The following DNAH9 variants were observed in gnomAD, a reference collection of about 807,000 sequenced individuals.
DNAH9 encodes the protein DNAH9 variant protein.
Under a neutral mutation model 471.6 loss-of-function variants are expected in DNAH9, and 345 were observed. The observed-to-expected ratio is 0.73, with a 90% CI of 0.67 to 0.80. The LOEUF is 0.80. Among genes scored for constraint, DNAH9 ranks in the 30% least tolerant of loss-of-function variants. The pLI is 0.00. For missense variants in DNAH9, 5,407 were observed against 5,609.2 expected, an observed-to-expected ratio of 0.96 and a Z score of 1.15; for synonymous variants, 2,093 against 2,123.6, an observed-to-expected ratio of 0.99 and a Z score of 0.40.
At chr17:11,904,181 GA>G (rs1567889739) in intron 60 of DNAH9, among the ~76,000 whole-genome samples, 2 of 152,152 alleles carry the variant, frequency 1.3e-5, no homozygotes, top group Non-Finnish European at 2.9e-5. Context: ...AGGTCACTAA[GA>G]ATCTACAGGA....
At chr17:11,778,345 A>AG (rs1968532939) in intron 38 of DNAH9, among the ~76,000 whole-genome samples, 1 of 134,960 alleles carries the variant, frequency 7.4e-6, no homozygotes, top group Admixed American at 7.0e-5. Context: ...AAAAAAAAAA[A>AG]AAAAAAAAAA....
intron 9 of DNAH9, among the ~76,000 whole-genome samples, chr17:11,638,269 C>T (rs2073200187): frequency 6.6e-6 from 1 of 152,168 alleles, no homozygotes; most frequent in South Asian, 2.1e-4. Flanking sequence ...TGGGATTATC[C>T]CCATGACTTC....
intron 56 of DNAH9, chr17:11,884,426 C>T (rs1311829893): frequency 5.9e-6 from 2 of 338,498 alleles, no homozygotes; most frequent in Non-Finnish European, 1.2e-5. Flanking sequence ...GTCTCAGTCT[C>T]GCGCTTGCAT....
At chr17:11,734,336 A>G (rs2075312358) in intron 28 of DNAH9, among the ~76,000 whole-genome samples, 1 of 152,216 alleles carries the variant, frequency 6.6e-6, no homozygotes, top group African/African-American at 2.4e-5. Context: ...GGGTAATTCT[A>G]CAAAATAGTA....
chr17:11,706,146 G>C (rs1377009004), intron 26 of DNAH9, among the ~76,000 whole-genome samples: 1 of 152,096 alleles, frequency 6.6e-6, no homozygotes, highest in African/African-American at 2.4e-5. Context: ...TCCTAAGGAG[G>C]TTAGTATATA....
chr17:11,707,994 CACACACACACACACACACACAGAG>C (rs1265231514), intron 26 of DNAH9, among the ~76,000 whole-genome samples: 628 of 56,434 alleles, frequency 0.011, 3 homozygotes, highest in Non-Finnish European at 0.018. Context: ...CACACACACA[CACACACACACACACACACACAGAG>C]AGAGAGAGAG....
At chr17:11,611,871 T>G (rs2072645669) in intron 4 of DNAH9, 91 bp downstream of exon 4, 5 of 1,330,196 alleles carry the variant, frequency 3.8e-6, no homozygotes, top group Non-Finnish European at 5.4e-6. Flanking sequence ...TTCCGCAACT[T>G]CAAGTCCTTG....
intron 10 of DNAH9, 30 bp from the exon 11 acceptor site, chr17:11,644,601 T>C: frequency 3.9e-6 from 6 of 1,529,074 alleles, no homozygotes; most frequent in Non-Finnish European, 5.4e-6. Context: ...CTTCTAATTC[T>C]GTGTCACTTT....
At chr17:11,682,011 T>C (rs557295909) in intron 19 of DNAH9, among the ~76,000 whole-genome samples, 5 of 152,194 alleles carry the variant, frequency 3.3e-5, no homozygotes, top group Non-Finnish European at 7.3e-5. Flanking sequence ...TGAAAGTGTG[T>C]AGCACTGTGT....
At position 11,821,916 on chromosome 17, in the gene DNAH9, C is replaced by T. The variant is rs1970321947; in HGVS notation, c.8708-4C>T. The T allele has an allele frequency of 6.2e-7, 1 of 1,603,664 alleles. No individual in the cohort carries two copies. The highest frequency in any genetic ancestry group is 8.5e-7 in the Non-Finnish European group (1 of 1,176,870). On this transcript the variant is annotated splice_polypyrimidine_tract_variant and splice_region_variant and intron_variant, in intron 45 of 68. Coordinates refer to ENST00000262442, the MANE Select transcript of DNAH9 (RefSeq NM_001372.4). ...CTGCCTATCTGTGCTCCATTTTTTC[C>T]CAGGGGAGATCCCAGATCTCTACTC...
At chr17:11,601,585 A>G (rs2072388823) in intron 1 of DNAH9, among the ~76,000 whole-genome samples, 1 of 152,186 alleles carries the variant, frequency 6.6e-6, no homozygotes, top group Non-Finnish European at 1.5e-5. Flanking sequence ...TGCATTTCTC[A>G]AAGCTTGTAC....
In DNAH9 at chr17:11,763,507, C is replaced by G. The variant is rs762036147; in HGVS notation, c.7063C>G (p.Leu2355Val). ...VQMVCHLLEC[L>V]LTTEDIPADC... ...GATGGTGTGTCACCTTCTGGAATGT[C>G]TCCTGACCACGGAGGACATCCCTGC... Residue 2355 changes from leucine (L) to valine (V), a missense_variant, in exon 36 of 69, where the codon CTC becomes GTC. By Grantham distance (32) the Leu-to-Val change is conservative (BLOSUM62 1). This residue lies in a region of DNAH9 where 4,636 missense variants were observed against 4,900.3 expected (regional missense o/e 0.95). Coordinates refer to ENST00000262442, the MANE Select transcript of DNAH9 (RefSeq NM_001372.4). 1 of 1,614,102 alleles carries G rather than the reference C, an allele frequency of 6.2e-7. No homozygotes were observed. Among genetic ancestry groups the G allele is most frequent in the Admixed American group, 1.7e-5 (1 of 60,032 alleles).
In DNAH9 at chr17:11,937,632, A is replaced by C. The variant is rs1974758985; in HGVS notation, c.12660+110A>C. On this transcript the variant is annotated intron_variant, in intron 66 of 68. Transcript: ENST00000262442. The surrounding 1 kb of genome is among the most constrained non-coding windows in gnomAD (Gnocchi z 4.1). ...GCAGTACACAGCATAGACAACACAC[A>C]AAGCACCAACCACCTGCAGCCTGGA... is the stretch of plus-strand genomic sequence containing the variant. 1 of 1,245,714 alleles carries C rather than the reference A, an allele frequency of 8.0e-7. No homozygotes were observed. Among genetic ancestry groups the C allele is most frequent in the African/African-American group, 1.5e-5 (1 of 66,614 alleles). 77.2% of individuals were successfully genotyped at this position (1,245,714 alleles called of 1,614,324 possible).
At chr17:11,918,815 A>T (rs1974039956) in intron 61 of DNAH9, among the ~76,000 whole-genome samples, 1 of 151,988 alleles carries the variant, frequency 6.6e-6, no homozygotes, top group African/African-American at 2.4e-5. Context: ...GTGAAATCCC[A>T]TCTCTACTAA....
At chr17:11,704,580 TAC>T in intron 25 of DNAH9, 138 bp downstream of exon 25, 2 of 660,894 alleles carry the variant, frequency 3.0e-6, no homozygotes, top group Non-Finnish European at 4.8e-6. Flanking sequence ...TGGCTGCTCC[TAC>T]TTTTTTTTTT....
chr17:11,709,097 A>T (rs567125782), intron 26 of DNAH9, among the ~76,000 whole-genome samples: 3 of 152,208 alleles, frequency 2.0e-5, no homozygotes, highest in Non-Finnish European at 4.4e-5. Context: ...AATTGAAGAT[A>T]ATTACCTCTT....
intron 64 of DNAH9, 39 bp from the exon 65 acceptor site, chr17:11,933,841 T>C (rs1203778990): frequency 6.3e-7 from 1 of 1,580,064 alleles, no homozygotes; most frequent in Non-Finnish European, 8.6e-7. Flanking sequence ...TGTGTGGAGG[T>C]CTTTCTTCCT....
At chr17:11,880,862 G>A (rs574217823) in intron 54 of DNAH9, among the ~76,000 whole-genome samples, 6 of 152,228 alleles carry the variant, frequency 3.9e-5, no homozygotes, top group African/African-American at 1.2e-4. Context: ...TATTGCTGGC[G>A]TATAAAGCAC....
chr17:11,636,909 C>T, intron 9 of DNAH9, 125 bp downstream of exon 9: 1 of 881,238 alleles, frequency 1.1e-6, no homozygotes, highest in Non-Finnish European at 1.7e-6. Flanking sequence ...GCAAGCACAA[C>T]CTTCTTGCTT....
Sources: gnomAD v4.1 joint callset for allele counts (sites outside exome capture counted in the v4.1 genomes callset) on GRCh38, gnomAD v4.1.1 for gene constraint, gnomAD v4.1.1 regional missense constraint, Gnocchi (gnomAD v3.1) non-coding constraint, MANE v1.5 for transcripts, NCBI Gene and HGNC (gene_info 2026-07-23, HGNC 2026-07-21) for gene names.